Variants in LRP5 observed in about 807,000 individuals in gnomAD.
The protein encoded by LRP5 is LDL receptor related protein 5.
In LRP5, 62 loss-of-function variants were observed where a neutral mutation model predicts 154.1. That is an observed-to-expected ratio of 0.40 (90% CI 0.33 to 0.50). LRP5 has a LOEUF of 0.50. Among genes scored for constraint, LRP5 ranks in the 20% least tolerant of loss-of-function variants. LRP5 has a pLI of 0.55. For synonymous variants in LRP5, 966 were observed against 1,011.5 expected, an observed-to-expected ratio of 0.96 and a Z score of 0.85; for missense variants, 1,915 against 2,336.7, an observed-to-expected ratio of 0.82 and a Z score of 3.72.
intron 18 of LRP5, 58 bp downstream of exon 18, chr11:68,433,896 A>C: frequency 6.5e-7 from 1 of 1,527,834 alleles, no homozygotes; most frequent in Non-Finnish European, 9.0e-7. Flanking sequence ...CCGGGATACG[A>C]GCTTGGGGCT....
the LRP5 span, among the ~76,000 whole-genome samples, chr11:68,306,388 G>A: frequency 1.3e-5 from 2 of 152,116 alleles, no homozygotes; most frequent in Admixed American, 6.5e-5. Flanking sequence ...CACCCACCTC[G>A]GCCTCTCAAA....
intron 1 of LRP5, among the ~76,000 whole-genome samples, chr11:68,335,196 C>A (rs1336094454): frequency 2.0e-5 from 3 of 151,716 alleles, no homozygotes; most frequent in African/African-American, 7.3e-5. Context: ...CCTGCCTCAG[C>A]CTCTCCAGTA....
At chr11:68,338,027 T>C (rs1464827142) in intron 1 of LRP5, among the ~76,000 whole-genome samples, 2 of 152,162 alleles carry the variant, frequency 1.3e-5, no homozygotes, top group African/African-American at 4.8e-5. Context: ...TGTGTGCGTG[T>C]GTGTGTGTAT....
intron 4 of LRP5, among the ~76,000 whole-genome samples, chr11:68,364,356 ATATGTGTGTGTGTG>A (rs2098629757): frequency 7.9e-6 from 1 of 127,382 alleles, no homozygotes; most frequent in Non-Finnish European, 1.8e-5. Context: ...ATATACATAT[ATATGTGTGTGTGTG>A]TGTGTGTGTG....
chr11:68,427,814 C>T (rs1399616881), intron 16 of LRP5, among the ~76,000 whole-genome samples: 1 of 152,152 alleles, frequency 6.6e-6, no homozygotes, highest in Non-Finnish European at 1.5e-5. Flanking sequence ...CGTCTTCTGT[C>T]ATTTCTTCCA....
chr11:68,360,916 G>C (rs1423841280), intron 3 of LRP5, among the ~76,000 whole-genome samples: 2 of 143,676 alleles, frequency 1.4e-5, no homozygotes, highest in African/African-American at 5.1e-5. Flanking sequence ...AGAATGGCGT[G>C]AACCTGGGAG....
At chr11:68,414,964 G>A (rs1565093160) in intron 12 of LRP5, among the ~76,000 whole-genome samples, 1 of 152,234 alleles carries the variant, frequency 6.6e-6, no homozygotes, top group East Asian at 1.9e-4. Flanking sequence ...GGAGGTGCAG[G>A]TAACCCACGG....
intron 7 of LRP5, among the ~76,000 whole-genome samples, chr11:68,399,198 T>A (rs1436602258): frequency 1.3e-5 from 2 of 151,794 alleles, no homozygotes; most frequent in East Asian, 3.9e-4. Flanking sequence ...CAAGAACCTA[T>A]CTCTTAAAAA....
chr11:68,366,911 C>A (rs1179350952), intron 5 of LRP5, among the ~76,000 whole-genome samples: 2 of 142,642 alleles, frequency 1.4e-5, no homozygotes, highest in African/African-American at 5.1e-5. Context: ...CGAACACTTG[C>A]CGGGTGCTGG....
intron 21 of LRP5, 146 bp from the exon 22 acceptor site, chr11:68,446,290 G>T: frequency 1.4e-6 from 1 of 691,824 alleles, no homozygotes; most frequent in Non-Finnish European, 2.6e-6. Flanking sequence ...CTGTCCCCAG[G>T]TTTTGCCAAC....
At position 68,436,895 on chromosome 11, in the gene LRP5, G is replaced by A; in HGVS notation, c.4007G>A (p.Cys1336Tyr). ...GCATGGCCTCTCCTTGCAGCCATCT[G>A]CCTGCCCAACCAGTTCCGGTGTGCG... is the stretch of plus-strand genomic sequence containing the variant. ...RSDEADCDAI[C>Y]LPNQFRCASG... Residue 1336 changes from cysteine to tyrosine, a missense_variant, in exon 19 of 23, where the codon TGC becomes TAC. By Grantham distance (194) the Cys-to-Tyr change is radical (BLOSUM62 -2). Coordinates refer to ENST00000294304, the MANE Select transcript of LRP5 (RefSeq NM_002335.4). 6.2e-7 allele frequency: 1 copy of A among 1,613,584 alleles called. No homozygotes were observed.
chr11:68,403,230 G>A (rs1252738705), intron 7 of LRP5, among the ~76,000 whole-genome samples: 1 of 152,220 alleles, frequency 6.6e-6, no homozygotes, highest in Non-Finnish European at 1.5e-5. Flanking sequence ...GGGCAACAGA[G>A]TGAGACGCTG....
intron 5 of LRP5, among the ~76,000 whole-genome samples, chr11:68,378,354 G>T (rs1163691972): frequency 6.6e-6 from 1 of 151,952 alleles, no homozygotes; most frequent in Admixed American, 6.6e-5. Flanking sequence ...GGCTTCTTTC[G>T]CCCCATCCCT....
At chr11:68,384,448 T>C (rs2098641913) in intron 5 of LRP5, among the ~76,000 whole-genome samples, 1 of 151,850 alleles carries the variant, frequency 6.6e-6, no homozygotes. Flanking sequence ...CTGGGAGGGG[T>C]CTCTGACCCT....
chr11:68,339,913 A>G (rs931673761), intron 1 of LRP5, among the ~76,000 whole-genome samples: 4 of 152,188 alleles, frequency 2.6e-5, no homozygotes, highest in African/African-American at 9.7e-5. Context: ...AGGCACTACC[A>G]GGCTGTTTTC....
At chr11:68,337,759 C>A (rs1002368400) in intron 1 of LRP5, among the ~76,000 whole-genome samples, 2 of 151,886 alleles carry the variant, frequency 1.3e-5, no homozygotes, top group African/African-American at 4.8e-5. Context: ...ACAGCCAGAT[C>A]TTCCTCCTCC....
At position 68,409,049 on chromosome 11, in the gene LRP5, GGGA is replaced by G. The variant is rs2098657354; in HGVS notation, c.2092-864_2092-862del. On this transcript the variant is annotated intron_variant, in intron 9 of 22. Coordinates refer to ENST00000294304, the MANE Select transcript of LRP5 (RefSeq NM_002335.4). ...TGAGCGACAGAGCAAGACTTATCTG[GGGA>G]AAAAAAAAAAAAAAAAAAAAAATAT... Among the ~76,000 whole-genome samples the G allele has an allele frequency of 2.4e-4, 4 of 16,484 alleles. No homozygotes were observed. In the Admixed American group the frequency reaches 3.5e-3, roughly 14 times the overall value. The allele number at this position is 16,484 out of a possible 152,430, so 10.8% of individuals were successfully genotyped here. A position where few individuals can be genotyped will look rare whatever the true frequency, so the allele number is the denominator to read the frequency against.
At chr11:68,430,001 T>C (rs1239831315) in intron 17 of LRP5, among the ~76,000 whole-genome samples, 3 of 152,248 alleles carry the variant, frequency 2.0e-5, no homozygotes, top group African/African-American at 7.2e-5. Context: ...TATTTAGAAG[T>C]GTTGCTTAGT....
chr11:68,361,915 C>T (rs1456200498), intron 3 of LRP5, among the ~76,000 whole-genome samples: 1 of 152,214 alleles, frequency 6.6e-6, no homozygotes, highest in Non-Finnish European at 1.5e-5. Context: ...CAATTCCGCT[C>T]CTAGCTGTAT....
Sources: gnomAD v4.1 joint callset for allele counts (sites outside exome capture counted in the v4.1 genomes callset) on GRCh38, gnomAD v4.1.1 for gene constraint, MANE v1.5 for transcripts, NCBI Gene and HGNC (gene_info 2026-07-23, HGNC 2026-07-21) for gene names.